CCDC85C: variants seen among roughly 807,000 people sequenced by gnomAD.
CCDC85C encodes coiled-coil domain-containing protein 85C.
Under a neutral mutation model 38.3 loss-of-function variants are expected in CCDC85C, and 18 were observed. The observed-to-expected ratio is 0.47, with a 90% CI of 0.33 to 0.70. The LOEUF (loss-of-function observed/expected upper bound fraction) is 0.70, where lower values mean the gene tolerates loss of function less well. CCDC85C is among the 30% of genes least tolerant of loss of function. CCDC85C has a pLI of 0.03. For missense variants in CCDC85C, 566 were observed against 621.2 expected, an observed-to-expected ratio of 0.91 and a Z score of 0.94; for synonymous variants, 264 against 293.8, an observed-to-expected ratio of 0.90 and a Z score of 1.04.
intron 1 of CCDC85C, among the ~76,000 whole-genome samples, chr14:99,547,818 A>G (rs976044978): frequency 6.6e-6 from 1 of 151,996 alleles, no homozygotes; most frequent in African/African-American, 2.4e-5. Context: ...ACTTTCATAT[A>G]TATTTATGGG....
chr14:99,500,242 AT>A lies in CCDC85C; in HGVS notation c.*15003del, dbSNP rs1479209494. On this transcript the variant is annotated 3_prime_UTR_variant, in exon 6 of 6. Coordinates refer to ENST00000380243, the MANE Select transcript of CCDC85C (RefSeq NM_001144995.2). ...AATGAAAGATTTAAACACAAAATTG[AT>A]TTGCCCCCATTTGCACGTAATACAC... is the stretch of plus-strand genomic sequence containing the variant. 12 of 152,318 alleles carry A rather than the reference AT, an allele frequency of 7.9e-5. No homozygotes were observed. The highest frequency in any genetic ancestry group is 7.8e-4 in the Admixed American group (12 of 15,292). The allele number at this position is 152,318 out of a possible 1,614,324, so 9.4% of individuals were successfully genotyped here. A position where few individuals can be genotyped will look rare whatever the true frequency, so the allele number is the denominator to read the frequency against.
At chr14:99,531,587 G>C (rs111570654) in intron 2 of CCDC85C, among the ~76,000 whole-genome samples, 6 of 130,930 alleles carry the variant, frequency 4.6e-5, no homozygotes, top group Non-Finnish European at 8.1e-5. Context: ...CATGGGTGGG[G>C]GGGGGGGTGG....
chr14:99,525,830 G>A (rs1259245636), intron 2 of CCDC85C, among the ~76,000 whole-genome samples: 4 of 152,180 alleles, frequency 2.6e-5, no homozygotes, highest in Non-Finnish European at 5.9e-5. Context: ...GCCACCTGGC[G>A]CGACTCTGGA....
rs1385134445 is a variant in CCDC85C at position 99,507,402 on chromosome 14, C to T, written c.*7844G>A. 2.1e-6 allele frequency: 1 copy of T among 471,722 alleles called. No homozygotes were observed. Among genetic ancestry groups the T allele is most frequent in the Non-Finnish European group, 3.9e-6 (1 of 255,848 alleles). 29.2% of individuals were successfully genotyped at this position (471,722 alleles called of 1,614,324 possible). On this transcript the variant is annotated 3_prime_UTR_variant, in exon 6 of 6. Transcript: ENST00000380243. Reference sequence around the variant, plus strand: ...GGTCAGCCTGGGCAACAAAGTGAGACCCTGTCTAAAAAATTAGCCAGGTGT... The same window carrying T: ...GGTCAGCCTGGGCAACAAAGTGAGATCCTGTCTAAAAAATTAGCCAGGTGT...
At chr14:99,518,528 G>A (rs1329161148) in intron 3 of CCDC85C, among the ~76,000 whole-genome samples, 2 of 151,350 alleles carry the variant, frequency 1.3e-5, no homozygotes, top group East Asian at 2.0e-4. Context: ...GTAGTGTAGG[G>A]AACCCAACAG....
At position 99,517,101 on chromosome 14, in the gene CCDC85C, A is replaced by G; in HGVS notation, c.1058T>C (p.Val353Ala). The change falls in exon 4 of 6, where the codon GTG (valine) becomes GCG (alanine). Residue 353 changes from valine to alanine, a missense_variant. By Grantham distance (64) the Val-to-Ala change is moderately conservative (BLOSUM62 0). This residue lies in a region of CCDC85C where 286 missense variants were observed against 276.4 expected (regional missense o/e 1.03). Transcript: ENST00000380243. ...AGTGGCCCTCACCTTCATGGCATGC[A>G]CGACAGCCTCGGGCTTCTGTCCTGC... ...SPAGQKPEAV[V>A]HAMKVLEVHE... The G allele has an allele frequency of 6.4e-7, 1 of 1,550,490 alleles. No individual in the cohort carries two copies. The highest frequency in any genetic ancestry group is 8.7e-7 in the Non-Finnish European group (1 of 1,146,914).
chr14:99,501,393 A>G lies in CCDC85C; in HGVS notation c.*13853T>C. Reference sequence around the variant, plus strand: ...AAATTCAAAAGTTGGTTCAAATGGCATGGACATTTGTAAATGACAGGTATA... The same window carrying G: ...AAATTCAAAAGTTGGTTCAAATGGCGTGGACATTTGTAAATGACAGGTATA... On this transcript the variant is annotated 3_prime_UTR_variant, in exon 6 of 6. Coordinates refer to ENST00000380243, the MANE Select transcript of CCDC85C (RefSeq NM_001144995.2). The G allele has an allele frequency of 1.2e-6, 2 of 1,605,416 alleles. No homozygotes were observed. Among genetic ancestry groups the G allele is most frequent in the Non-Finnish European group, 8.5e-7 (1 of 1,173,728 alleles).
chr14:99,526,440 G>C (rs988584109), intron 2 of CCDC85C, among the ~76,000 whole-genome samples: 12 of 152,244 alleles, frequency 7.9e-5, no homozygotes, highest in Admixed American at 6.5e-4. Flanking sequence ...ACAGGGAGCT[G>C]GAGAGAGCTC....
At chr14:99,566,188 C>T (rs1160751758) in intron 1 of CCDC85C, among the ~76,000 whole-genome samples, 7 of 152,242 alleles carry the variant, frequency 4.6e-5, no homozygotes, top group African/African-American at 1.7e-4. Flanking sequence ...TCTTTCCTGA[C>T]CACCCACTCG....
chr14:99,545,360 T>C lies in CCDC85C; in HGVS notation c.794-9272A>G, dbSNP rs1355480505. On this transcript the variant is annotated intron_variant, in intron 1 of 5. Coordinates refer to ENST00000380243, the MANE Select transcript of CCDC85C (RefSeq NM_001144995.2). This position sits in a 1 kb window ranked among gnomAD's most constrained non-coding sequence, Gnocchi z 4.7. ...AAGCCCCGCTCCGGCTCAGTTCATCTAGAATGTGCCCTACTTTGGATCTGC... is the reference window on the plus strand; with the variant it reads ...AAGCCCCGCTCCGGCTCAGTTCATCCAGAATGTGCCCTACTTTGGATCTGC... Among the ~76,000 whole-genome samples the C allele has an allele frequency of 6.6e-6, 1 of 152,162 alleles. No homozygotes were observed. The highest frequency in any genetic ancestry group is 1.5e-5 in the Non-Finnish European group (1 of 68,046).
chr14:99,582,339 A>G (rs982676038), intron 1 of CCDC85C, among the ~76,000 whole-genome samples: 7 of 152,212 alleles, frequency 4.6e-5, no homozygotes, highest in African/African-American at 1.4e-4. Context: ...AAGAACAGTC[A>G]GTGATGTGAC....
In CCDC85C at chr14:99,569,318, G is replaced by A. The variant is rs1898286555; in HGVS notation, c.794-33230C>T. ...ACAGGGCTCTGGTTTCTGAAGCACT[G>A]ATGTCCCCAAAACAAACAGGCTGCT... On this transcript the variant is annotated intron_variant, in intron 1 of 5. Transcript: ENST00000380243. The surrounding 1 kb of genome is among the most constrained non-coding windows in gnomAD (Gnocchi z 4.3). Among the ~76,000 whole-genome samples, 2 of 152,156 alleles carry A rather than the reference G, an allele frequency of 1.3e-5. No individual in the cohort carries two copies. The highest frequency in any genetic ancestry group is 2.4e-5 in the African/African-American group (1 of 41,442).
chr14:99,518,215 C>G (rs940569401), intron 3 of CCDC85C, among the ~76,000 whole-genome samples: 4 of 152,138 alleles, frequency 2.6e-5, no homozygotes, highest in Non-Finnish European at 5.9e-5. Flanking sequence ...CCTGGAACCC[C>G]CTGCAGGCCT....
chr14:99,557,961 C>T (rs1898044301), intron 1 of CCDC85C, among the ~76,000 whole-genome samples: 1 of 152,158 alleles, frequency 6.6e-6, no homozygotes, highest in African/African-American at 2.4e-5. Flanking sequence ...TTTTAGTCCG[C>T]ACCCTTCCAA....
chr14:99,531,666 T>A (rs1162839500), intron 2 of CCDC85C, among the ~76,000 whole-genome samples: 1 of 142,304 alleles, frequency 7.0e-6, no homozygotes, highest in Non-Finnish European at 1.5e-5. Context: ...CACGTCACCT[T>A]ATGCTATTCC....
rs776917591 is a variant in CCDC85C at position 99,500,727 on chromosome 14, A to G, written c.*14519T>C. 16 of 1,289,968 alleles carry G rather than the reference A, an allele frequency of 1.2e-5. 1 individual carries two copies. Among genetic ancestry groups the G allele is most frequent in the South Asian group, 1.1e-4 (9 of 78,658 alleles). The allele number at this position is 1,289,968 out of a possible 1,614,324, so 79.9% of individuals were successfully genotyped here. On this transcript the variant is annotated 3_prime_UTR_variant, in exon 6 of 6. Coordinates refer to ENST00000380243, the MANE Select transcript of CCDC85C (RefSeq NM_001144995.2). Reference sequence around the variant, plus strand: ...TTTGTAATGCTGCTTGAGACCTGCAATTGTAATTACTGTCCTAACATTTGT... The same window carrying G: ...TTTGTAATGCTGCTTGAGACCTGCAGTTGTAATTACTGTCCTAACATTTGT...
chr14:99,580,516 A>G (rs1037626547), intron 1 of CCDC85C, among the ~76,000 whole-genome samples: 5 of 151,346 alleles, frequency 3.3e-5, no homozygotes, highest in Non-Finnish European at 7.4e-5. Flanking sequence ...GAGGCGGAGA[A>G]GACAGCCAGG....
chr14:99,518,240 G>C (rs1897254862), intron 3 of CCDC85C, among the ~76,000 whole-genome samples: 1 of 152,072 alleles, frequency 6.6e-6, no homozygotes, highest in Admixed American at 6.5e-5. Context: ...GCCAACCCCT[G>C]GTGCCCTCCC....
chr14:99,552,264 C>T (rs1009296582), intron 1 of CCDC85C, among the ~76,000 whole-genome samples: 1 of 152,226 alleles, frequency 6.6e-6, no homozygotes, highest in Non-Finnish European at 1.5e-5. Context: ...GCTAGGGGTG[C>T]TGCAATCCTG....
Sources: gnomAD v4.1 joint callset for allele counts (sites outside exome capture counted in the v4.1 genomes callset) on GRCh38, gnomAD v4.1.1 for gene constraint, gnomAD v4.1.1 regional missense constraint, Gnocchi (gnomAD v3.1) non-coding constraint, MANE v1.5 for transcripts, NCBI Gene and HGNC (gene_info 2026-07-23, HGNC 2026-07-21) for gene names.